Variants in CNTN5 observed in about 807,000 individuals in gnomAD.
CNTN5 encodes the protein contactin-5.
Under a neutral mutation model 129.1 loss-of-function variants are expected in CNTN5, and 77 were observed. That is an observed-to-expected ratio of 0.60 (90% confidence interval 0.50 to 0.72). CNTN5 has a LOEUF of 0.72. Ranked by LOEUF, CNTN5 falls within the 30% of genes least tolerant of loss-of-function variation. CNTN5 has a pLI of 0.00. For missense variants in CNTN5, 1,478 were observed against 1,328.8 expected, an observed-to-expected ratio of 1.11 and a Z score of -1.75; for synonymous variants, 509 against 465.6, an observed-to-expected ratio of 1.09 and a Z score of -1.20.
At chr11:99,804,531 TAGAA>T (rs1024660727) in intron 3 of CNTN5, among the ~76,000 whole-genome samples, 12 of 149,142 alleles carry the variant, frequency 8.0e-5, no homozygotes, top group Admixed American at 7.5e-4. Flanking sequence ...ATTTTTGAGA[TAGAA>T]AAAAAAAAAC....
At chr11:99,438,809 G>T (rs1943701096) in intron 2 of CNTN5, among the ~76,000 whole-genome samples, 1 of 152,016 alleles carries the variant, frequency 6.6e-6, no homozygotes, top group African/African-American at 2.4e-5. Flanking sequence ...ATATACCTCT[G>T]GCACTGTTTT....
chr11:99,396,190 T>TC (rs1941514304), intron 2 of CNTN5, among the ~76,000 whole-genome samples: 1 of 151,256 alleles, frequency 6.6e-6, no homozygotes, highest in Admixed American at 6.6e-5. Flanking sequence ...AATGTTTTTT[T>TC]CATTTGTTTG....
intron 9 of CNTN5, among the ~76,000 whole-genome samples, chr11:100,044,651 T>G (rs983442655): frequency 2.0e-5 from 3 of 152,068 alleles, no homozygotes; most frequent in Non-Finnish European, 4.4e-5. Flanking sequence ...CTATGCATAT[T>G]CTTCACTCAC....
chr11:100,129,445 A>G (rs748218377), intron 13 of CNTN5, among the ~76,000 whole-genome samples: 2 of 152,080 alleles, frequency 1.3e-5, no homozygotes, highest in Non-Finnish European at 2.9e-5. Flanking sequence ...ATACACAGAC[A>G]CTCATCACAT....
chr11:99,881,356 A>G (rs1948766737), intron 6 of CNTN5, among the ~76,000 whole-genome samples: 1 of 152,246 alleles, frequency 6.6e-6, no homozygotes, highest in Non-Finnish European at 1.5e-5. Flanking sequence ...TTTGTAAATT[A>G]TAGCCAGAAC....
chr11:99,560,251 T>A (rs1472781924), intron 3 of CNTN5, among the ~76,000 whole-genome samples: 1 of 148,744 alleles, frequency 6.7e-6, no homozygotes, highest in African/African-American at 2.5e-5. Context: ...AAGCAGAATA[T>A]GACAAAGAAT....
At chr11:99,512,168 A>T (rs558474824) in intron 2 of CNTN5, among the ~76,000 whole-genome samples, 1 of 152,248 alleles carries the variant, frequency 6.6e-6, no homozygotes, top group African/African-American at 2.4e-5. Context: ...CATTCAAAGT[A>T]AGAGCCCTAG....
At chr11:99,272,025 A>G (rs1184742193) in intron 1 of CNTN5, among the ~76,000 whole-genome samples, 1 of 151,952 alleles carries the variant, frequency 6.6e-6, no homozygotes, top group Non-Finnish European at 1.5e-5. Context: ...ATGTATTACT[A>G]TCTTTCAGTC....
At chr11:99,388,414 C>CAAAA (rs10652309) in intron 2 of CNTN5, among the ~76,000 whole-genome samples, 40,927 of 121,318 alleles carry the variant, frequency 0.34, 7,614 homozygotes, top group East Asian at 0.6. Flanking sequence ...AACCCGGTCT[C>CAAAA]AAAAAAAAAA....
At chr11:99,307,141 A>G (rs1864913382) in intron 1 of CNTN5, among the ~76,000 whole-genome samples, 2 of 152,202 alleles carry the variant, frequency 1.3e-5, no homozygotes. Flanking sequence ...TAGTATTTAA[A>G]TATTTTCCTA....
intron 2 of CNTN5, among the ~76,000 whole-genome samples, chr11:99,360,722 A>T (rs1465171207): frequency 6.6e-6 from 1 of 152,174 alleles, no homozygotes; most frequent in Non-Finnish European, 1.5e-5. Context: ...CCTGATTAGT[A>T]GCATCAGGCT....
intron 2 of CNTN5, among the ~76,000 whole-genome samples, chr11:99,378,284 C>T (rs1034655651): frequency 1.3e-5 from 2 of 152,068 alleles, no homozygotes; most frequent in African/African-American, 2.4e-5. Flanking sequence ...TTCATGTTAG[C>T]ATTTCTTCTT....
intron 3 of CNTN5, among the ~76,000 whole-genome samples, chr11:99,614,947 TTA>T (rs1248362692): frequency 6.6e-6 from 1 of 151,444 alleles, no homozygotes; most frequent in African/African-American, 2.4e-5. Flanking sequence ...GTACTGTTGT[TTA>T]TGTGTGTGTG....
At chr11:99,988,910 T>C (rs1938870034) in intron 8 of CNTN5, among the ~76,000 whole-genome samples, 1 of 152,088 alleles carries the variant, frequency 6.6e-6, no homozygotes, top group Admixed American at 6.6e-5. Flanking sequence ...TAGGTTTGCC[T>C]TAAGTCACCT....
chr11:99,134,442 A>G (rs1250663817), intron 1 of CNTN5, among the ~76,000 whole-genome samples: 1 of 152,190 alleles, frequency 6.6e-6, no homozygotes, highest in Non-Finnish European at 1.5e-5. Flanking sequence ...CTTTGATACC[A>G]TTTTGAGATA....
chr11:99,700,905 A>C (rs888365936), intron 3 of CNTN5, among the ~76,000 whole-genome samples: 6 of 151,322 alleles, frequency 4.0e-5, no homozygotes, highest in Non-Finnish European at 8.9e-5. Context: ...AATGAGTATC[A>C]AAATGTTCTA....
At position 99,456,476 on chromosome 11, in the gene CNTN5, T is replaced by C. The variant is rs142742227; in HGVS notation, c.-70-99669T>C. 1.4e-4 allele frequency among the ~76,000 whole-genome samples: 22 copies of C among 152,276 alleles called. No individual in the cohort carries two copies. In the East Asian group the frequency reaches 4.1e-3, roughly 28 times the overall value. ...AGAGAATTACTGAGAGAATAAATTTTTCCCTTATGTGCAGTGTTATCTAAA... is the reference window on the plus strand; with the variant it reads ...AGAGAATTACTGAGAGAATAAATTTCTCCCTTATGTGCAGTGTTATCTAAA... On this transcript the variant is annotated intron_variant, in intron 2 of 24. Coordinates refer to ENST00000524871, the MANE Select transcript of CNTN5 (RefSeq NM_014361.4).
intron 7 of CNTN5, among the ~76,000 whole-genome samples, chr11:99,923,428 A>T (rs993165753): frequency 6.6e-6 from 1 of 152,158 alleles, no homozygotes; most frequent in African/African-American, 2.4e-5. Context: ...AAACCTATAA[A>T]CCTATATAAA....
At chr11:100,017,283 C>T (rs1357680155) in intron 9 of CNTN5, among the ~76,000 whole-genome samples, 1 of 151,996 alleles carries the variant, frequency 6.6e-6, no homozygotes, top group Non-Finnish European at 1.5e-5. Flanking sequence ...CTTCAAGCCT[C>T]CACTTCATGT....
Sources: allele counts gnomAD v4.1 joint callset (sites outside exome capture counted in the v4.1 genomes callset), GRCh38; gene constraint gnomAD v4.1.1; transcripts MANE v1.5; gene names NCBI Gene and HGNC (gene_info 2026-07-23, HGNC 2026-07-21).